ANXA10: variants seen among roughly 807,000 people sequenced by gnomAD.
ANXA10 encodes annexin 14.
Under a neutral mutation model 53.5 loss-of-function variants are expected in ANXA10, and 49 were observed. The observed-to-expected ratio is 0.92, with a 90% CI of 0.73 to 1.16. ANXA10 has a LOEUF of 1.16. Among genes scored for constraint, ANXA10 ranks in the 50% most tolerant of loss-of-function variants. ANXA10 has a pLI of 0.00. For missense variants in ANXA10, 393 were observed against 394.4 expected (o/e 1.00, Z 0.03); for synonymous variants, 131 against 128.9 (o/e 1.02, Z -0.11).
At chr4:168,172,825 T>C (rs1384874625) in intron 6 of ANXA10, among the ~76,000 whole-genome samples, 1 of 150,110 alleles carries the variant, frequency 6.7e-6, no homozygotes, top group African/African-American at 2.5e-5. Context: ...GTTTTGCTCT[T>C]GTCACCCAGG....
At chr4:168,149,128 T>G (rs942872812) in intron 3 of ANXA10, among the ~76,000 whole-genome samples, 3 of 152,162 alleles carry the variant, frequency 2.0e-5, no homozygotes, top group Non-Finnish European at 4.4e-5. Flanking sequence ...AGTTTCACTG[T>G]GGTAGTCAAC....
intron 6 of ANXA10, among the ~76,000 whole-genome samples, chr4:168,172,741 A>G (rs1335264021): frequency 6.6e-6 from 1 of 152,138 alleles, no homozygotes; most frequent in African/African-American, 2.4e-5. Context: ...AGAACAGAGT[A>G]ACAGGGAGAA....
chr4:168,165,389 CAAAAAAAA>C lies in ANXA10; in HGVS notation c.480+73_480+80del, dbSNP rs33925175. 2.2e-3 allele frequency: 861 copies of C among 400,020 alleles called. 7 individuals are homozygous for C. The highest frequency in any genetic ancestry group is 0.017 in the African/African-American group (759 of 43,450). 24.8% of individuals were successfully genotyped at this position (400,020 alleles called of 1,614,324 possible). A position where few individuals can be genotyped will look rare whatever the true frequency, so the allele number is the denominator to read the frequency against. On this transcript the variant is annotated intron_variant, in intron 6 of 11. Coordinates refer to ENST00000359299, the MANE Select transcript of ANXA10 (RefSeq NM_007193.5). The stretch of plus-strand genomic sequence containing the variant: ...TAAGCAAATAAGTATATGTCATTGC[CAAAAAAAA>C]AAAAAAAAATAGAACAGAAAACTCC...
chr4:168,105,206 T>G (rs1343729938), intron 1 of ANXA10, among the ~76,000 whole-genome samples: 1 of 151,832 alleles, frequency 6.6e-6, no homozygotes. Context: ...CAGATTACTT[T>G]GTGACTCAGG....
chr4:168,153,496 G>GCAA (rs1290343444), intron 3 of ANXA10, among the ~76,000 whole-genome samples: 1 of 137,828 alleles, frequency 7.3e-6, no homozygotes. Flanking sequence ...AAATAAGACA[G>GCAA]GTTGGACAAG....
chr4:168,108,054 A>C (rs561327796), intron 1 of ANXA10, among the ~76,000 whole-genome samples: 1 of 152,318 alleles, frequency 6.6e-6, no homozygotes, highest in South Asian at 2.1e-4. Flanking sequence ...CATATAGGGT[A>C]ACTTCTTGAT....
At chr4:168,170,932 T>C (rs1731973037) in intron 6 of ANXA10, among the ~76,000 whole-genome samples, 1 of 152,216 alleles carries the variant, frequency 6.6e-6, no homozygotes, top group Non-Finnish European at 1.5e-5. Context: ...AGTTCCGTGA[T>C]AATTTATACT....
intron 1 of ANXA10, among the ~76,000 whole-genome samples, chr4:168,126,723 TA>T (rs1338553898): frequency 6.6e-6 from 1 of 152,180 alleles, no homozygotes; most frequent in Non-Finnish European, 1.5e-5. Context: ...ATAATAAGTA[TA>T]ATGATTGAAA....
intron 1 of ANXA10, chr4:168,127,871 C>T (rs7670035): frequency 0.019 from 6,246 of 326,216 alleles, 83 homozygotes; most frequent in African/African-American, 0.041. Flanking sequence ...GGATTACAGG[C>T]GCCACAACAC....
intron 3 of ANXA10, among the ~76,000 whole-genome samples, chr4:168,158,067 TTCCAAATGATCCACA>T (rs1731719469): frequency 6.6e-6 from 1 of 152,166 alleles, no homozygotes; most frequent in African/African-American, 2.4e-5. Context: ...GTGATGACAG[TTCCAAATGATCCACA>T]TCCTCACCAA....
intron 1 of ANXA10, among the ~76,000 whole-genome samples, chr4:168,101,630 G>T (rs1344005): frequency 0.11 from 16,197 of 151,702 alleles, 2,846 homozygotes; most frequent in African/African-American, 0.37. Flanking sequence ...TCCTTCCATT[G>T]AAGACCGATA....
intron 6 of ANXA10, among the ~76,000 whole-genome samples, chr4:168,174,733 G>A (rs1249216919): frequency 6.6e-6 from 1 of 152,192 alleles, no homozygotes; most frequent in Non-Finnish European, 1.5e-5. Context: ...GAAGAAAAAC[G>A]GAATCAAATG....
At chr4:168,140,821 T>A (rs1731313956) in intron 3 of ANXA10, among the ~76,000 whole-genome samples, 1 of 152,186 alleles carries the variant, frequency 6.6e-6, no homozygotes. Flanking sequence ...GGTTTCACCA[T>A]GTTAGCCAGG....
chr4:168,117,383 A>G (rs1730910728), intron 1 of ANXA10, among the ~76,000 whole-genome samples: 1 of 152,250 alleles, frequency 6.6e-6, no homozygotes, highest in Non-Finnish European at 1.5e-5. Context: ...CCTTAAGATT[A>G]AATACATAAA....
At chr4:168,173,812 T>C (rs567346574) in intron 6 of ANXA10, among the ~76,000 whole-genome samples, 13 of 152,316 alleles carry the variant, frequency 8.5e-5, no homozygotes, top group African/African-American at 3.1e-4. Context: ...CCTTCACCTA[T>C]TTTACACATT....
intron 3 of ANXA10, among the ~76,000 whole-genome samples, chr4:168,143,301 A>G (rs1731354038): frequency 6.6e-6 from 1 of 152,146 alleles, no homozygotes; most frequent in Non-Finnish European, 1.5e-5. Context: ...ATGTTAATCA[A>G]TGGTATTTTA....
At chr4:168,101,611 C>T (rs188848530) in intron 1 of ANXA10, among the ~76,000 whole-genome samples, 46 of 152,002 alleles carry the variant, frequency 3.0e-4, no homozygotes, top group East Asian at 2.9e-3. Flanking sequence ...TTCTCCAAAA[C>T]GCCCTGATTC....
At chr4:168,098,300 G>A (rs1046166812) in intron 1 of ANXA10, among the ~76,000 whole-genome samples, 2 of 152,012 alleles carry the variant, frequency 1.3e-5, no homozygotes, top group Non-Finnish European at 2.9e-5. Flanking sequence ...TAAGCAATAT[G>A]AATCATAGTT....
intron 2 of ANXA10, among the ~76,000 whole-genome samples, chr4:168,132,168 T>C (rs1451745064): frequency 2.0e-5 from 3 of 152,126 alleles, no homozygotes; most frequent in Non-Finnish European, 4.4e-5. Flanking sequence ...CAAAGACACA[T>C]CTGCATTCTT....
Sources: gnomAD v4.1 joint callset for allele counts (sites outside exome capture counted in the v4.1 genomes callset) on GRCh38, gnomAD v4.1.1 for gene constraint, MANE v1.5 for transcripts, NCBI Gene and HGNC (gene_info 2026-07-23, HGNC 2026-07-21) for gene names.